Variants in SCGB2B2 observed in about 807,000 individuals in gnomAD.
SCGB2B2 encodes secretoglobin family 2B member 2.
A neutral mutation model predicts 7.6 loss-of-function variants in SCGB2B2; 11 were observed. That is an observed-to-expected ratio of 1.45 (90% CI 0.91 to 2.40). The LOEUF (loss-of-function observed/expected upper bound fraction) is 2.40. Among genes scored for constraint, SCGB2B2 ranks in the 30% most tolerant of loss-of-function variants. The pLI is 0.00. For synonymous variants in SCGB2B2, 50 were observed against 48.6 expected (o/e 1.03, Z -0.12); for missense variants, 104 against 115.4 (o/e 0.90, Z 0.45).
At chr19:34,651,377 A>G (rs2067158404) in intron 1 of SCGB2B2, among the ~76,000 whole-genome samples, 1 of 151,228 alleles carries the variant, frequency 6.6e-6, no homozygotes, top group African/African-American at 2.5e-5. Flanking sequence ...TCTCTTAGAA[A>G]GAAAACCCCT....
intron 1 of SCGB2B2, among the ~76,000 whole-genome samples, chr19:34,606,137 CAT>C (rs974639029): frequency 5.9e-5 from 9 of 151,332 alleles, no homozygotes; most frequent in African/African-American, 1.5e-4. Context: ...AAAAATTTTA[CAT>C]AGTTACTAAA....
rs55922005 is a variant in SCGB2B2, at chr19:34,642,714, C to CAAAAAAAAAAAAAA, written c.-2032+32902_-2032+32915dup. On this transcript the variant is annotated intron_variant, in intron 1 of 3. Transcript: ENST00000601241. ...TGGGCGACAGAGCAAGACTCCGTCT[C>CAAAAAAAAAAAAAA]AAAAAAAAAAAAAAAAAAAAAAAAA... Among the ~76,000 whole-genome samples the CAAAAAAAAAAAAAA allele has an allele frequency of 1.5e-4, 6 of 39,872 alleles. 2 individuals carry two copies. The highest frequency in any genetic ancestry group is 1.7e-4 in the Non-Finnish European group (4 of 23,900). 26.2% of individuals were successfully genotyped at this position (39,872 alleles called of 152,430 possible). A position where few individuals can be genotyped will look rare whatever the true frequency, so the allele number is the denominator to read the frequency against.
chr19:34,646,302 C>T (rs1381412041), intron 1 of SCGB2B2: 1 of 155,388 alleles, frequency 6.4e-6, no homozygotes, highest in Non-Finnish European at 1.4e-5. Flanking sequence ...CCCTGGTGCC[C>T]GGGAGAGGCC....
chr19:34,623,011 GAA>G (rs1391658368), intron 1 of SCGB2B2, among the ~76,000 whole-genome samples: 7 of 151,038 alleles, frequency 4.6e-5, no homozygotes, highest in African/African-American at 1.5e-4. Flanking sequence ...ATACGCATTT[GAA>G]AGAGTTTTCT....
downstream of SCGB2B2, among the ~76,000 whole-genome samples, chr19:34,588,357 A>C (rs2065225961): frequency 6.6e-6 from 1 of 152,164 alleles, no homozygotes. Context: ...CTAATCATGA[A>C]AATTCACCCC....
chr19:34,621,964 C>A (rs944327776), intron 1 of SCGB2B2, among the ~76,000 whole-genome samples: 6 of 152,128 alleles, frequency 3.9e-5, no homozygotes, highest in Admixed American at 3.9e-4. Flanking sequence ...CTGTAGATTC[C>A]TCTAACAGCA....
chr19:34,642,905 C>A (rs28806488), intron 1 of SCGB2B2, among the ~76,000 whole-genome samples: 45,823 of 151,752 alleles, frequency 0.3, 7,605 homozygotes, highest in Non-Finnish European at 0.37. Flanking sequence ...AGGACAAAAA[C>A]CAACAGACGC....
At chr19:34,613,423 A>G (rs1251593109) in intron 1 of SCGB2B2, among the ~76,000 whole-genome samples, 1 of 152,134 alleles carries the variant, frequency 6.6e-6, no homozygotes, top group Non-Finnish European at 1.5e-5. Flanking sequence ...TTCAATTGGT[A>G]TATATCTTTA....
In SCGB2B2 at chr19:34,592,921, G is replaced by A. The variant is rs1378706442; in HGVS notation, c.*634C>T. 1.3e-5 allele frequency among the ~76,000 whole-genome samples: 2 copies of A among 152,114 alleles called. No homozygotes were observed. Among genetic ancestry groups the A allele is most frequent in the Non-Finnish European group, 2.9e-5 (2 of 68,018 alleles). ...GCATCCCGAGTCCTGGGGAGCCCTG[G>A]AGGTTCTGCATTGAGGGGTTGTGGG... On this transcript the variant is annotated 3_prime_UTR_variant, in exon 4 of 4. Transcript: ENST00000601241.
chr19:34,623,510 A>G (rs1305182153), intron 1 of SCGB2B2, among the ~76,000 whole-genome samples: 1 of 152,086 alleles, frequency 6.6e-6, no homozygotes. Context: ...CTGCCCATGG[A>G]TGCAAGCATT....
At chr19:34,610,438 G>A (rs8104862) in intron 1 of SCGB2B2, among the ~76,000 whole-genome samples, 4,156 of 152,162 alleles carry the variant, frequency 0.027, 198 homozygotes, top group African/African-American at 0.093. Flanking sequence ...TGATTTTGGC[G>A]ATGGGTTTGC....
intron 1 of SCGB2B2, among the ~76,000 whole-genome samples, chr19:34,613,221 C>G (rs1341517835): frequency 6.6e-6 from 1 of 152,020 alleles, no homozygotes; most frequent in Non-Finnish European, 1.5e-5. Context: ...GCCTTAGCCT[C>G]CTGAGCAGCT....
chr19:34,621,692 A>G lies in SCGB2B2; in HGVS notation c.-2031-25098T>C, dbSNP rs535308728. The stretch of plus-strand genomic sequence containing the variant: ...AGAATATCCTTTTTCATTAATTAAA[A>G]CTTTACAGGGAATATAAACAATGAT... On this transcript the variant is annotated intron_variant, in intron 1 of 3. Transcript: ENST00000601241. Among the ~76,000 whole-genome samples, 254 of 152,318 alleles carry G rather than the reference A, an allele frequency of 1.7e-3. 1 individual carries two copies. The highest frequency in any genetic ancestry group is 5.6e-3 in the African/African-American group (234 of 41,572).
At chr19:34,651,586 C>T (rs2067162184) in intron 1 of SCGB2B2, among the ~76,000 whole-genome samples, 1 of 150,936 alleles carries the variant, frequency 6.6e-6, no homozygotes, top group Admixed American at 6.6e-5. Flanking sequence ...AGGTAGAAGA[C>T]CTCTACCAAA....
At chr19:34,607,722 A>T (rs999553842) in intron 1 of SCGB2B2, among the ~76,000 whole-genome samples, 1 of 152,196 alleles carries the variant, frequency 6.6e-6, no homozygotes, top group African/African-American at 2.4e-5. Flanking sequence ...CTTTTCATGC[A>T]TCTGTTGGTC....
intron 1 of SCGB2B2, among the ~76,000 whole-genome samples, chr19:34,597,006 G>A (rs957165046): frequency 1.3e-5 from 2 of 151,552 alleles, no homozygotes; most frequent in East Asian, 2.0e-4. Flanking sequence ...CTGAGGACCT[G>A]AGGCCCCTCT....
intron 1 of SCGB2B2, among the ~76,000 whole-genome samples, chr19:34,599,417 T>TA (rs1342043691): frequency 2.0e-5 from 3 of 152,314 alleles, no homozygotes; most frequent in South Asian, 2.1e-4. Flanking sequence ...TTATTGGACT[T>TA]AAAGTTCCAC....
chr19:34,599,055 C>T (rs1265063801), intron 1 of SCGB2B2, among the ~76,000 whole-genome samples: 1 of 152,276 alleles, frequency 6.6e-6, no homozygotes, highest in African/African-American at 2.4e-5. Context: ...CCCAGCTCAC[C>T]TGCTTTGCTT....
intron 1 of SCGB2B2, among the ~76,000 whole-genome samples, chr19:34,630,007 T>C (rs1225529819): frequency 1.3e-5 from 2 of 151,932 alleles, no homozygotes; most frequent in African/African-American, 2.4e-5. Context: ...AAAGAAGAAA[T>C]GGGGAAAGGA....
Sources: gnomAD v4.1 joint callset for allele counts (sites outside exome capture counted in the v4.1 genomes callset) on GRCh38, gnomAD v4.1.1 for gene constraint, MANE v1.5 for transcripts, NCBI Gene and HGNC (gene_info 2026-07-23, HGNC 2026-07-21) for gene names.